The following NID2 variants were observed in gnomAD, a reference collection of about 807,000 sequenced individuals.
The protein encoded by NID2 is nidogen-2.
In NID2, 83 loss-of-function variants were observed where a neutral mutation model predicts 145.4. That is an observed-to-expected ratio of 0.57 (90% confidence interval 0.48 to 0.69). The LOEUF is 0.69. NID2 is among the 30% of genes least tolerant of loss of function. NID2 has a pLI of 0.00. For synonymous variants in NID2, 739 were observed against 701.3 expected (o/e 1.05, Z -0.85); for missense variants, 1,807 against 1,765.7 (o/e 1.02, Z -0.42).
At chr14:52,032,502 G>C (rs554151926) in intron 9 of NID2, among the ~76,000 whole-genome samples, 12 of 152,224 alleles carry the variant, frequency 7.9e-5, no homozygotes, top group Admixed American at 2.0e-4. Context: ...AGGTTCCTGA[G>C]TCAGTCCTCA....
chr14:52,054,723 C>A (rs1892793490), intron 3 of NID2, among the ~76,000 whole-genome samples: 1 of 152,150 alleles, frequency 6.6e-6, no homozygotes, highest in Non-Finnish European at 1.5e-5. Context: ...AAACAAAAAA[C>A]CTGAAAGGCT....
intron 2 of NID2, among the ~76,000 whole-genome samples, chr14:52,065,314 A>G (rs1432570116): frequency 1.3e-5 from 2 of 152,152 alleles, no homozygotes; most frequent in Non-Finnish European, 1.5e-5. Context: ...CCTTCAAGCA[A>G]ATTAGATTAC....
intron 18 of NID2, chr14:52,008,846 T>A (rs968491657): frequency 8.5e-5 from 13 of 152,216 alleles, no homozygotes; most frequent in Admixed American, 7.9e-4. Context: ...CTTGAAGGGG[T>A]ACCTGGCACC....
At chr14:52,056,454 CTTCCTCCCTGGGTTGTTAGGA>C (rs1892847521) in intron 3 of NID2, among the ~76,000 whole-genome samples, 1 of 152,124 alleles carries the variant, frequency 6.6e-6, no homozygotes, top group Non-Finnish European at 1.5e-5. Flanking sequence ...ATGACAATGC[CTTCCTCCCTGGGTTGTTAGGA>C]GAATTAAGTG....
chr14:52,014,974 C>G (rs1159162681), intron 15 of NID2, 80 bp downstream of exon 15: 1 of 1,183,538 alleles, frequency 8.4e-7, no homozygotes, highest in Non-Finnish European at 1.2e-6. Context: ...CACATGTCCC[C>G]CCACTTCACC....
intron 7 of NID2, among the ~76,000 whole-genome samples, chr14:52,041,620 G>C (rs1227208135): frequency 6.6e-6 from 1 of 152,102 alleles, no homozygotes; most frequent in Non-Finnish European, 1.5e-5. Context: ...TGCTGAACCA[G>C]AATTTACATT....
chr14:52,048,139 G>A (rs1205994012), intron 5 of NID2, among the ~76,000 whole-genome samples: 4 of 152,190 alleles, frequency 2.6e-5, no homozygotes, highest in African/African-American at 9.7e-5. Flanking sequence ...GCAGCTCCTG[G>A]GGTGGGCAGA....
chr14:52,014,330 G>A lies in NID2; in HGVS notation c.3377C>T (p.Thr1126Ile). Reference sequence around the variant, plus strand: ...CTTAGCTGCATCCTTCTGAAGCCTGGTGCCATTGAGGGGTAAGTAGCCAAT... The same window carrying A: ...CTTAGCTGCATCCTTCTGAAGCCTGATGCCATTGAGGGGTAAGTAGCCAAT... ...QQIGYLPLNG[T>I]RLQKDAAKTL... The change falls in exon 16 of 22, where the codon ACC (threonine) becomes ATC (isoleucine). Residue 1126 changes from threonine (T) to isoleucine (I), a missense_variant. By Grantham distance (89) the Thr-to-Ile change is moderately conservative (BLOSUM62 -1). Transcript: ENST00000216286. 8 of 1,614,238 alleles carry A rather than the reference G, an allele frequency of 5.0e-6. No homozygotes were observed. The highest frequency in any genetic ancestry group is 5.1e-6 in the Non-Finnish European group (6 of 1,180,050).
intron 9 of NID2, among the ~76,000 whole-genome samples, chr14:52,037,401 G>A (rs556470119): frequency 6.6e-6 from 1 of 151,942 alleles, no homozygotes; most frequent in Admixed American, 6.6e-5. Flanking sequence ...CCATTAACTC[G>A]TCATTTAGCA....
chr14:52,063,475 C>G (rs890518201), intron 2 of NID2, among the ~76,000 whole-genome samples: 1 of 152,240 alleles, frequency 6.6e-6, no homozygotes, highest in Non-Finnish European at 1.5e-5. Flanking sequence ...TGAAGTGACA[C>G]TCATCAGAGC....
chr14:52,052,416 G>A (rs144948268), intron 5 of NID2, among the ~76,000 whole-genome samples: 1 of 152,100 alleles, frequency 6.6e-6, no homozygotes, highest in Non-Finnish European at 1.5e-5. Context: ...CTTCACATAC[G>A]CTGTCTCATT....
chr14:52,056,001 A>G (rs1892833920), intron 3 of NID2, among the ~76,000 whole-genome samples: 1 of 151,992 alleles, frequency 6.6e-6, no homozygotes, highest in South Asian at 2.1e-4. Context: ...CTGTTGTGGT[A>G]AATTTAGGGA....
intron 9 of NID2, among the ~76,000 whole-genome samples, chr14:52,032,576 G>A (rs987536985): frequency 6.9e-5 from 8 of 115,548 alleles, no homozygotes; most frequent in Admixed American, 7.7e-5. Flanking sequence ...AGACAAGAAC[G>A]TGATCATCTC....
rs1241318301 is a variant in NID2, at chr14:52,030,559, AG to A, written c.2258-870del. Among the ~76,000 whole-genome samples the A allele has an allele frequency of 4.8e-3, 344 of 72,062 alleles. 13 individuals are homozygous for A. Among genetic ancestry groups the A allele is most frequent in the African/African-American group, 0.016 (334 of 20,882 alleles). The allele number at this position is 72,062 out of a possible 152,430, so 47.3% of individuals were successfully genotyped here. On this transcript the variant is annotated intron_variant, in intron 9 of 21. Transcript: ENST00000216286. ...AAGAAAGAAAGAAAGAAAGAAAGAA[AG>A]AAAGAAAGGAAGGAAGGGAAAGAAA...
chr14:52,017,698 T>C (rs1012557765), intron 14 of NID2, among the ~76,000 whole-genome samples: 5 of 152,092 alleles, frequency 3.3e-5, no homozygotes, highest in Non-Finnish European at 5.9e-5. Flanking sequence ...ATGAGGGAAA[T>C]AGAATTTCTC....
In NID2 at chr14:52,032,866, C is replaced by T. The variant is rs562733759; in HGVS notation, c.2258-3176G>A. Among the ~76,000 whole-genome samples the T allele has an allele frequency of 1.1e-4, 17 of 151,266 alleles. 1 individual carries two copies. The South Asian group carries it at 3.3e-3, about 30-fold the overall frequency. On this transcript the variant is annotated intron_variant, in intron 9 of 21. Coordinates refer to ENST00000216286, the MANE Select transcript of NID2 (RefSeq NM_007361.4). ...AACTTGGACAGGATATATTATCCTA[C>T]CTAAAATTGAGAAGAAAGTGTCCCT... is the stretch of plus-strand genomic sequence containing the variant.
intron 2 of NID2, among the ~76,000 whole-genome samples, chr14:52,066,685 C>T (rs549936036): frequency 1.3e-5 from 2 of 152,316 alleles, no homozygotes; most frequent in South Asian, 4.1e-4. Flanking sequence ...AGCAACCTCA[C>T]CTCTTACAGG....
At chr14:52,063,210 C>G (rs1221355075) in intron 2 of NID2, among the ~76,000 whole-genome samples, 2 of 152,232 alleles carry the variant, frequency 1.3e-5, no homozygotes, top group Admixed American at 6.5e-5. Context: ...CAAGCTTTTG[C>G]AAGAGCCGCA....
chr14:52,058,891 G>A (rs1892938003), intron 3 of NID2, among the ~76,000 whole-genome samples: 1 of 151,868 alleles, frequency 6.6e-6, no homozygotes, highest in African/African-American at 2.4e-5. Context: ...TGGAACCAGA[G>A]GAGGGAGAGT....
Sources: gnomAD v4.1 joint callset for allele counts (sites outside exome capture counted in the v4.1 genomes callset) on GRCh38, gnomAD v4.1.1 for gene constraint, MANE v1.5 for transcripts, NCBI Gene and HGNC (gene_info 2026-07-23, HGNC 2026-07-21) for gene names.